CYP39A1: variants seen among roughly 807,000 people sequenced by gnomAD.
CYP39A1 encodes cytochrome P450 family 39 subfamily A member 1.
A neutral mutation model predicts 58.1 loss-of-function variants in CYP39A1; 49 were observed. The observed-to-expected ratio is 0.84, with a 90% CI of 0.67 to 1.07. The LOEUF (loss-of-function observed/expected upper bound fraction) is 1.07, where lower values mean the gene tolerates loss of function less well. Ranked by LOEUF, CYP39A1 falls within the 50% of genes least tolerant of loss-of-function variation. CYP39A1 has a pLI of 0.00. For missense variants in CYP39A1, 531 were observed against 539.4 expected (o/e 0.98, Z 0.16); for synonymous variants, 209 against 187.6 (o/e 1.11, Z -0.93).
At chr6:46,563,133 C>G (rs1771071644) in intron 10 of CYP39A1, among the ~76,000 whole-genome samples, 1 of 147,078 alleles carries the variant, frequency 6.8e-6, no homozygotes, top group South Asian at 2.2e-4. Context: ...AAAAAAAATA[C>G]TGTTTTTTAA....
intron 10 of CYP39A1, among the ~76,000 whole-genome samples, chr6:46,556,291 C>T (rs1014216838): frequency 6.6e-6 from 1 of 152,200 alleles, no homozygotes; most frequent in African/African-American, 2.4e-5. Flanking sequence ...AAAAAACTCA[C>T]AGGTCTGAGA....
intron 1 of CYP39A1, among the ~76,000 whole-genome samples, chr6:46,643,326 A>G (rs960659467): frequency 6.6e-6 from 1 of 152,218 alleles, no homozygotes; most frequent in Admixed American, 6.5e-5. Flanking sequence ...ATTTATGCTC[A>G]TCACTACTTC....
At chr6:46,611,158 A>G (rs892664679) in intron 7 of CYP39A1, among the ~76,000 whole-genome samples, 6 of 152,212 alleles carry the variant, frequency 3.9e-5, no homozygotes, top group Non-Finnish European at 8.8e-5. Flanking sequence ...TCTGGCCTTC[A>G]GCTCTAGTTC....
intron 7 of CYP39A1, among the ~76,000 whole-genome samples, chr6:46,616,226 C>CCTT (rs1774585259): frequency 9.5e-5 from 3 of 31,472 alleles, no homozygotes; most frequent in Non-Finnish European, 1.7e-4. Context: ...CTCCCTCCCT[C>CCTT]CCTCCCTCCC....
chr6:46,591,052 T>C (rs924560281), intron 8 of CYP39A1, among the ~76,000 whole-genome samples: 4 of 152,194 alleles, frequency 2.6e-5, no homozygotes, highest in Non-Finnish European at 5.9e-5. Flanking sequence ...ATTTTAAGGC[T>C]ATAAATGCAT....
intron 5 of CYP39A1, among the ~76,000 whole-genome samples, chr6:46,635,968 T>C (rs980296162): frequency 1.3e-5 from 2 of 152,192 alleles, no homozygotes; most frequent in East Asian, 1.9e-4. Context: ...CACAGGTTCC[T>C]AGTGCCTGGC....
chr6:46,642,357 A>C lies in CYP39A1; in HGVS notation c.178-59T>G, dbSNP rs866540697. On this transcript the variant is annotated intron_variant, in intron 1 of 11. Coordinates refer to ENST00000275016, the MANE Select transcript of CYP39A1 (RefSeq NM_016593.5). ...GCATTCCTAAGCCATGTTTAAGACC[A>C]TTCTCCTCAAGAATCCTAATGCTGA... 9 of 1,495,704 alleles carry C rather than the reference A, an allele frequency of 6.0e-6. No homozygotes were observed. In the Middle Eastern group the frequency reaches 5.8e-4, roughly 97 times the overall value. 92.7% of individuals were successfully genotyped at this position (1,495,704 alleles called of 1,614,324 possible). A position where few individuals can be genotyped will look rare whatever the true frequency, so the allele number is the denominator to read the frequency against.
intron 11 of CYP39A1, among the ~76,000 whole-genome samples, chr6:46,550,967 T>C (rs1770364620): frequency 6.6e-6 from 1 of 152,108 alleles, no homozygotes; most frequent in Admixed American, 6.6e-5. Flanking sequence ...TTCTGACTTT[T>C]TTCGCCCGAG....
At chr6:46,585,716 A>G (rs12386534) in intron 10 of CYP39A1, among the ~76,000 whole-genome samples, 3,550 of 152,230 alleles carry the variant, frequency 0.023, 148 homozygotes, top group African/African-American at 0.08. Flanking sequence ...AAGGACACTT[A>G]TTATCTAACA....
chr6:46,584,142 A>G lies in CYP39A1; in HGVS notation c.1250+2935T>C, dbSNP rs937979655. On this transcript the variant is annotated intron_variant, in intron 10 of 11. Transcript: ENST00000275016. Reference sequence around the variant, plus strand: ...ACAATTTGCTATTTTATTTCTCTTTAGAAACAAAACATTTCATGCATTGGC... The same window carrying G: ...ACAATTTGCTATTTTATTTCTCTTTGGAAACAAAACATTTCATGCATTGGC... Among the ~76,000 whole-genome samples, 4 of 152,310 alleles carry G rather than the reference A, an allele frequency of 2.6e-5. No homozygotes were observed. In the East Asian group the frequency reaches 7.7e-4, roughly 29 times the overall value.
At chr6:46,587,268 A>G in intron 9 of CYP39A1, 103 bp from the exon 10 acceptor site, 1 of 767,310 alleles carries the variant, frequency 1.3e-6, no homozygotes, top group Non-Finnish European at 2.3e-6. Flanking sequence ...ATCCTTGCAT[A>G]TAAAGTTGCA....
intron 10 of CYP39A1, among the ~76,000 whole-genome samples, chr6:46,567,044 A>G (rs954259291): frequency 2.0e-5 from 3 of 152,024 alleles, no homozygotes; most frequent in Admixed American, 6.6e-5. Context: ...CAATTGTACA[A>G]TACATTATTA....
chr6:46,564,721 T>C (rs1771179677), intron 10 of CYP39A1, among the ~76,000 whole-genome samples: 1 of 152,206 alleles, frequency 6.6e-6, no homozygotes, highest in Non-Finnish European at 1.5e-5. Flanking sequence ...CTCTCTCTTT[T>C]TTCCTCCTAG....
chr6:46,649,164 G>A (rs1337551459), intron 1 of CYP39A1, among the ~76,000 whole-genome samples: 1 of 152,238 alleles, frequency 6.6e-6, no homozygotes, highest in Non-Finnish European at 1.5e-5. Flanking sequence ...GTTGGTGGCA[G>A]AATTTAGTTT....
chr6:46,582,062 T>C (rs900150072), intron 10 of CYP39A1, among the ~76,000 whole-genome samples: 3 of 152,176 alleles, frequency 2.0e-5, no homozygotes, highest in Admixed American at 6.6e-5. Flanking sequence ...CCCTCATTCC[T>C]AACCCTCTTT....
chr6:46,558,309 T>C (rs954962210), intron 10 of CYP39A1, among the ~76,000 whole-genome samples: 1 of 152,060 alleles, frequency 6.6e-6, no homozygotes, highest in Non-Finnish European at 1.5e-5. Context: ...ACAGGAAGCA[T>C]GACTGGGAAG....
chr6:46,631,772 G>C (rs542889990), intron 5 of CYP39A1, among the ~76,000 whole-genome samples: 16 of 152,124 alleles, frequency 1.1e-4, no homozygotes, highest in Non-Finnish European at 1.5e-4. Context: ...CTCAGGGCAG[G>C]GCCCCATCCA....
At chr6:46,637,399 C>T (rs1012245508) in intron 4 of CYP39A1, among the ~76,000 whole-genome samples, 34 of 152,340 alleles carry the variant, frequency 2.2e-4, no homozygotes, top group Non-Finnish European at 3.1e-4. Context: ...GCATGTGCCT[C>T]ATTTTACAAA....
chr6:46,577,107 G>C (rs1024139447), intron 10 of CYP39A1, among the ~76,000 whole-genome samples: 15 of 152,198 alleles, frequency 9.9e-5, no homozygotes, highest in Admixed American at 3.9e-4. Context: ...CATGCCATGA[G>C]AGATTGGGGG....
Sources: gnomAD v4.1 joint callset for allele counts (sites outside exome capture counted in the v4.1 genomes callset) on GRCh38, gnomAD v4.1.1 for gene constraint, MANE v1.5 for transcripts, NCBI Gene and HGNC (gene_info 2026-07-23, HGNC 2026-07-21) for gene names.